The following PIGN variants were observed in gnomAD, a reference collection of about 807,000 sequenced individuals.
The protein encoded by PIGN is phosphatidylinositol glycan anchor biosynthesis class N.
In PIGN, 117 loss-of-function variants were observed where a neutral mutation model predicts 125.4. That is an observed-to-expected ratio of 0.93 (90% CI 0.80 to 1.09). PIGN has a LOEUF of 1.09. PIGN is among the 50% of genes least tolerant of loss of function. The probability of loss-of-function intolerance (pLI) is 0.00; values close to 1 mark genes in which losing one functional copy is unlikely to be tolerated. For missense variants in PIGN, 1,075 were observed against 1,094.9 expected (o/e 0.98, Z 0.26); for synonymous variants, 392 against 377.8 (o/e 1.04, Z -0.44).
rs754047821 is a variant in PIGN, at chr18:62,090,568, G to C, written c.2191C>G (p.Leu731Val). 1.0e-5 allele frequency: 16 copies of C among 1,596,804 alleles called. No homozygotes were observed. The highest frequency in any genetic ancestry group is 9.4e-5 in the African/African-American group (7 of 74,512). Reference sequence around the variant, plus strand: ...AAACAAGACAACACTAGTGGAAAGAGAGCTTCATACCTAACAGGTGGGGAA... The same window carrying C: ...AAACAAGACAACACTAGTGGAAAGACAGCTTCATACCTAACAGGTGGGGAA... ...YLLLSTGYEA[L>V]FPLVLSCLMF... The change falls in exon 24 of 31, where the codon CTC (leucine) becomes GTC (valine). Residue 731 changes from leucine to valine, a missense_variant. By Grantham distance (32) the Leu-to-Val change is conservative. Transcript: ENST00000640252.
intron 23 of PIGN, among the ~76,000 whole-genome samples, chr18:62,028,862 C>T (rs961860208): frequency 1.3e-5 from 2 of 152,198 alleles, no homozygotes; most frequent in African/African-American, 4.8e-5. Flanking sequence ...AGCAACACTG[C>T]TAGAATTCCC....
At chr18:62,032,462 C>A (rs531325283) in intron 23 of PIGN, among the ~76,000 whole-genome samples, 2 of 152,358 alleles carry the variant, frequency 1.3e-5, no homozygotes, top group African/African-American at 4.8e-5. Flanking sequence ...CCCAAGCCAA[C>A]TGCACACACG....
intron 23 of PIGN, among the ~76,000 whole-genome samples, chr18:62,028,266 C>G (rs1476621151): frequency 6.6e-6 from 1 of 152,202 alleles, no homozygotes; most frequent in Non-Finnish European, 1.5e-5. Flanking sequence ...AAATCTGCAA[C>G]AGCACTGATA....
rs1191544966 is a variant in PIGN at position 62,109,780 on chromosome 18, C to T, written c.1574+54G>A. 9.5e-6 allele frequency: 14 copies of T among 1,480,390 alleles called. No homozygotes were observed. The South Asian group carries it at 1.4e-4, about 15-fold the overall frequency. The allele number at this position is 1,480,390 out of a possible 1,614,324, so 91.7% of individuals were successfully genotyped here. A position where few individuals can be genotyped will look rare whatever the true frequency, so the allele number is the denominator to read the frequency against. On this transcript the variant is annotated intron_variant, in intron 17 of 30. Transcript: ENST00000640252. ...ACAGAAATCTACTGCATTTTAAATA[C>T]AGATTTAACTGTCAATGAAGTGAAA...
At chr18:62,186,551 C>T (rs2091153589) in intron 1 of PIGN, among the ~76,000 whole-genome samples, 1 of 152,176 alleles carries the variant, frequency 6.6e-6, no homozygotes, top group African/African-American at 2.4e-5. Flanking sequence ...TTCCCTTTTC[C>T]GTTTAGTCTC....
intron 6 of PIGN, among the ~76,000 whole-genome samples, chr18:62,156,519 G>A (rs567762573): frequency 6.6e-5 from 10 of 152,136 alleles, no homozygotes; most frequent in East Asian, 1.9e-4. Flanking sequence ...TTGTAGAGAT[G>A]TGGGTCTCAC....
intron 14 of PIGN, among the ~76,000 whole-genome samples, chr18:62,122,579 T>G (rs2035349636): frequency 1.3e-5 from 2 of 152,030 alleles, no homozygotes; most frequent in South Asian, 4.2e-4. Flanking sequence ...AAATTAACTT[T>G]CCCTAAGGAA....
At chr18:62,027,397 G>A (rs1034145261) in intron 23 of PIGN, among the ~76,000 whole-genome samples, 2 of 152,164 alleles carry the variant, frequency 1.3e-5, no homozygotes, top group Non-Finnish European at 2.9e-5. Flanking sequence ...ATGTGCCCAA[G>A]GTGGTCAAAA....
At chr18:62,101,817 T>A (rs569410693) in intron 21 of PIGN, among the ~76,000 whole-genome samples, 1 of 152,330 alleles carries the variant, frequency 6.6e-6, no homozygotes, top group Admixed American at 6.5e-5. Flanking sequence ...ATTTATTCAG[T>A]TAAAAAGAAA....
chr18:62,028,202 G>A (rs949790596), intron 23 of PIGN, among the ~76,000 whole-genome samples: 5 of 152,162 alleles, frequency 3.3e-5, no homozygotes, highest in African/African-American at 9.7e-5. Flanking sequence ...GGTGCTTCAC[G>A]CCTTTATATA....
intron 1 of PIGN, among the ~76,000 whole-genome samples, chr18:62,166,697 T>C (rs1222248234): frequency 1.3e-5 from 2 of 152,192 alleles, no homozygotes; most frequent in Admixed American, 1.3e-4. Context: ...ATGTGGCATA[T>C]ATACACCATG....
intron 14 of PIGN, among the ~76,000 whole-genome samples, chr18:62,124,970 A>G (rs1392312836): frequency 6.6e-6 from 1 of 152,052 alleles, no homozygotes; most frequent in Non-Finnish European, 1.5e-5. Flanking sequence ...ATGAGTAAAA[A>G]ATAAAAATCA....
chr18:62,123,614 C>G (rs1303045521), intron 14 of PIGN: 1 of 152,008 alleles, frequency 6.6e-6, no homozygotes. Context: ...AATGAATATC[C>G]AATTCATTTC....
At chr18:62,141,386 G>A (rs1463538855) in intron 11 of PIGN, among the ~76,000 whole-genome samples, 1 of 152,214 alleles carries the variant, frequency 6.6e-6, no homozygotes, top group African/African-American at 2.4e-5. Context: ...GCATTACTAG[G>A]CCTTTCAGCA....
intron 7 of PIGN, among the ~76,000 whole-genome samples, chr18:62,151,689 C>G (rs1207309503): frequency 6.6e-6 from 1 of 152,236 alleles, no homozygotes; most frequent in Non-Finnish European, 1.5e-5. Context: ...CTTTCCCGTT[C>G]TAAAGTTTTT....
intron 1 of PIGN, among the ~76,000 whole-genome samples, chr18:62,171,686 T>G (rs62096106): frequency 0.07 from 10,731 of 152,260 alleles, 544 homozygotes; most frequent in Non-Finnish European, 0.11. Context: ...TTTTGTTGTA[T>G]CTACTGAGAT....
intron 23 of PIGN, among the ~76,000 whole-genome samples, chr18:62,024,589 G>T (rs138721593): frequency 5.3e-5 from 8 of 152,144 alleles, no homozygotes; most frequent in African/African-American, 1.9e-4. Context: ...TCCAACCTTA[G>T]CCCCACATTT....
chr18:62,099,898 T>C (rs1172138094), intron 22 of PIGN, among the ~76,000 whole-genome samples: 4 of 152,108 alleles, frequency 2.6e-5, no homozygotes, highest in Admixed American at 2.0e-4. Flanking sequence ...TTCAGGACAG[T>C]AGTCTGACAA....
intron 1 of PIGN, among the ~76,000 whole-genome samples, chr18:62,176,937 C>G (rs2037546092): frequency 1.4e-5 from 2 of 146,194 alleles, no homozygotes; most frequent in Non-Finnish European, 3.0e-5. Context: ...AACTTTTCCA[C>G]AGATCTAAAC....
Sources: gnomAD v4.1 joint callset for allele counts (sites outside exome capture counted in the v4.1 genomes callset) on GRCh38, gnomAD v4.1.1 for gene constraint, MANE v1.5 for transcripts, NCBI Gene and HGNC (gene_info 2026-07-23, HGNC 2026-07-21) for gene names.